The following MACROD2 variants were observed in gnomAD, a reference collection of about 807,000 sequenced individuals.
The protein encoded by MACROD2 is ADP-ribose glycohydrolase MACROD2.
In MACROD2, 36 loss-of-function variants were observed where a neutral mutation model predicts 70.4. The observed-to-expected ratio is 0.51, with a 90% CI of 0.39 to 0.68. The LOEUF (loss-of-function observed/expected upper bound fraction) is 0.68. Ranked by LOEUF, MACROD2 falls within the 30% of genes least tolerant of loss-of-function variation. The pLI is 0.00. For missense variants in MACROD2, 496 were observed against 538.4 expected (o/e 0.92, Z 0.78); for synonymous variants, 172 against 178.8 (o/e 0.96, Z 0.30).
intron 8 of MACROD2, among the ~76,000 whole-genome samples, chr20:15,513,390 T>G (rs1345933055): frequency 6.6e-6 from 1 of 152,196 alleles, no homozygotes; most frequent in Non-Finnish European, 1.5e-5. Context: ...TTAAAGGGAT[T>G]CCATGAAGTT....
chr20:14,276,955 A>T (rs921426905), intron 3 of MACROD2, among the ~76,000 whole-genome samples: 9 of 152,062 alleles, frequency 5.9e-5, no homozygotes, highest in Admixed American at 1.3e-4. Context: ...TCCTCATCTT[A>T]TATGTGTTTA....
chr20:14,954,728 A>ATATATAAT, intron 5 of MACROD2, among the ~76,000 whole-genome samples: 1 of 37,178 alleles, frequency 2.7e-5, no homozygotes, highest in African/African-American at 6.4e-5. Flanking sequence ...AAATGTATAA[A>ATATATAAT]TATATAAATT....
At chr20:15,987,755 G>A (rs1168937829) in intron 15 of MACROD2, among the ~76,000 whole-genome samples, 3 of 152,142 alleles carry the variant, frequency 2.0e-5, no homozygotes, top group Non-Finnish European at 4.4e-5. Flanking sequence ...ATGTATTGGA[G>A]TGAAGATAGA....
chr20:15,048,513 T>C (rs1247897139), intron 5 of MACROD2, among the ~76,000 whole-genome samples: 2 of 152,064 alleles, frequency 1.3e-5, no homozygotes, highest in African/African-American at 4.8e-5. Context: ...ACAGGGTTAT[T>C]ATAAAGACCA....
At chr20:15,065,884 A>G (rs1163212040) in intron 5 of MACROD2, among the ~76,000 whole-genome samples, 8 of 152,114 alleles carry the variant, frequency 5.3e-5, no homozygotes, top group Non-Finnish European at 7.4e-5. Flanking sequence ...TGCATAAGAA[A>G]CAACCACAAA....
At chr20:14,515,469 A>ACGCGCGCG (rs1555798354) in intron 4 of MACROD2, among the ~76,000 whole-genome samples, 1 of 143,656 alleles carries the variant, frequency 7.0e-6, no homozygotes, top group Admixed American at 6.9e-5. Flanking sequence ...ACACACGCAC[A>ACGCGCGCG]CACACACACA....
intron 17 of MACROD2, among the ~76,000 whole-genome samples, chr20:16,048,591 C>G: frequency 6.6e-6 from 1 of 152,100 alleles, no homozygotes; most frequent in Non-Finnish European, 1.5e-5. Context: ...AACCAGGGAC[C>G]GCAGATATAA....
At chr20:14,717,539 T>C (rs1194631051) in intron 5 of MACROD2, among the ~76,000 whole-genome samples, 2 of 152,062 alleles carry the variant, frequency 1.3e-5, no homozygotes, top group Non-Finnish European at 2.9e-5. Flanking sequence ...ATGTAGTTTT[T>C]TTTTTTTTTG....
intron 8 of MACROD2, among the ~76,000 whole-genome samples, chr20:15,814,562 C>G (rs577585927): frequency 5.9e-5 from 9 of 152,334 alleles, no homozygotes; most frequent in African/African-American, 1.9e-4. Context: ...TCCCTGGGAT[C>G]ACCTCCTAAA....
At chr20:16,014,573 G>C (rs554704586) in intron 15 of MACROD2, among the ~76,000 whole-genome samples, 65 of 152,178 alleles carry the variant, frequency 4.3e-4, no homozygotes, top group Non-Finnish European at 7.6e-4. Context: ...CTGTGTGCTA[G>C]GGAAGACTCT....
intron 5 of MACROD2, among the ~76,000 whole-genome samples, chr20:14,719,696 G>A (rs1289787734): frequency 6.6e-6 from 1 of 152,142 alleles, no homozygotes; most frequent in Non-Finnish European, 1.5e-5. Flanking sequence ...CAAATTCCCG[G>A]AAATGTTGTA....
At chr20:15,569,548 C>A (rs1041864836) in intron 8 of MACROD2, among the ~76,000 whole-genome samples, 15 of 152,158 alleles carry the variant, frequency 9.9e-5, no homozygotes, top group African/African-American at 3.6e-4. Context: ...TCCCTGTTCC[C>A]CAGCCACCCA....
chr20:14,787,976 C>G (rs906776600), intron 5 of MACROD2, among the ~76,000 whole-genome samples: 2 of 151,958 alleles, frequency 1.3e-5, no homozygotes, highest in Non-Finnish European at 2.9e-5. Context: ...AAAACATTTA[C>G]CTAGAGGGCT....
intron 8 of MACROD2, among the ~76,000 whole-genome samples, chr20:15,743,114 A>G (rs764244206): frequency 1.3e-5 from 2 of 152,214 alleles, no homozygotes; most frequent in Non-Finnish European, 2.9e-5. Context: ...AATGACAAAG[A>G]AGAACCTGGG....
chr20:15,967,532 G>A (rs764002901), intron 12 of MACROD2, 21 bp from the exon 13 acceptor site: 1 of 1,600,850 alleles, frequency 6.2e-7, no homozygotes, highest in Non-Finnish European at 8.5e-7. Flanking sequence ...CTGACCAAAG[G>A]TTTTGCTTGT....
intron 5 of MACROD2, among the ~76,000 whole-genome samples, chr20:14,952,210 G>A (rs768523104): frequency 6.6e-6 from 1 of 152,038 alleles, no homozygotes; most frequent in Non-Finnish European, 1.5e-5. Context: ...GTGGAAATTC[G>A]GCTTCCTGGT....
intron 3 of MACROD2, among the ~76,000 whole-genome samples, chr20:14,428,123 T>C (rs1420402250): frequency 1.3e-5 from 2 of 152,130 alleles, no homozygotes; most frequent in African/African-American, 4.8e-5. Context: ...AATAGCCATT[T>C]TGTAAACTGA....
chr20:15,604,841 A>C (rs527941493), intron 8 of MACROD2, among the ~76,000 whole-genome samples: 12 of 152,174 alleles, frequency 7.9e-5, no homozygotes, highest in Non-Finnish European at 1.8e-4. Flanking sequence ...TATAAATCTC[A>C]ACAATTATGA....
intron 3 of MACROD2, chr20:14,327,602 G>T (rs1047309549): frequency 3.8e-6 from 5 of 1,299,660 alleles, no homozygotes; most frequent in East Asian, 2.5e-5. Context: ...AATAAGGCCA[G>T]CATACTGAAT....
Sources: allele counts gnomAD v4.1 joint callset (sites outside exome capture counted in the v4.1 genomes callset), GRCh38; gene constraint gnomAD v4.1.1; transcripts MANE v1.5; gene names NCBI Gene and HGNC (gene_info 2026-07-23, HGNC 2026-07-21).